The following ITGA9 variants were observed in gnomAD, a reference collection of about 807,000 sequenced individuals.
ITGA9 encodes the protein integrin subunit alpha 9.
A neutral mutation model predicts 127.8 loss-of-function variants in ITGA9; 56 were observed. That is an observed-to-expected ratio of 0.44 (90% CI 0.35 to 0.55). The LOEUF (loss-of-function observed/expected upper bound fraction) is 0.55, where lower values mean the gene tolerates loss of function less well. ITGA9 is among the 20% of genes least tolerant of loss of function. ITGA9 has a pLI of 0.00. For missense variants in ITGA9, 1,196 were observed against 1,347.1 expected, an observed-to-expected ratio of 0.89 and a Z score of 1.76; for synonymous variants, 508 against 514.5, an observed-to-expected ratio of 0.99 and a Z score of 0.17.
At chr3:37,742,416 T>C (rs1022613580) in intron 21 of ITGA9, among the ~76,000 whole-genome samples, 2 of 152,340 alleles carry the variant, frequency 1.3e-5, no homozygotes, top group African/African-American at 2.4e-5. Context: ...GGTCATTCAG[T>C]GCCGCTGGCA....
Position 37,481,558 on chromosome 3 carries a change from C to G in ITGA9, c.495C>G (p.Ile165Met). 1 of 1,614,178 alleles carries G rather than the reference C, an allele frequency of 6.2e-7. No individual in the cohort carries two copies. Among genetic ancestry groups the G allele is most frequent in the Non-Finnish European group, 8.5e-7 (1 of 1,180,006 alleles). ...HILPHGFCYI[I>M]PSNLQAKGRT... Reference sequence around the variant, plus strand: ...TACCCCATGGCTTCTGCTACATCATCCCCTCCAACCTCCAGGCCAAAGGCA... The same window carrying G: ...TACCCCATGGCTTCTGCTACATCATGCCCTCCAACCTCCAGGCCAAAGGCA... Residue 165 changes from isoleucine (I) to methionine (M), a missense_variant, in exon 4 of 28, where the codon ATC (isoleucine) becomes ATG (methionine). Coordinates refer to ENST00000264741, the MANE Select transcript of ITGA9 (RefSeq NM_002207.3).
chr3:37,516,783 T>G (rs1017803023), intron 9 of ITGA9, among the ~76,000 whole-genome samples: 9 of 152,216 alleles, frequency 5.9e-5, no homozygotes, highest in African/African-American at 2.2e-4. Context: ...GACATCAGAT[T>G]GCATTGTATC....
At chr3:37,751,890 G>T (rs1012867440) in intron 23 of ITGA9, among the ~76,000 whole-genome samples, 3 of 152,144 alleles carry the variant, frequency 2.0e-5, no homozygotes, top group African/African-American at 4.8e-5. Flanking sequence ...TCTCCATCTG[G>T]ATAGCCCAGC....
intron 15 of ITGA9, among the ~76,000 whole-genome samples, chr3:37,625,824 T>C (rs1369566517): frequency 6.6e-6 from 1 of 152,186 alleles, no homozygotes; most frequent in African/African-American, 2.4e-5. Context: ...GCTGTCCTTT[T>C]GGGGGTGTTG....
chr3:37,556,570 G>A (rs557860064), intron 15 of ITGA9, among the ~76,000 whole-genome samples: 120 of 152,294 alleles, frequency 7.9e-4, no homozygotes, highest in Non-Finnish European at 1.2e-3. Context: ...GACTCCTCAC[G>A]TTAGCGTGCA....
At chr3:37,724,067 A>G (rs1478122505) in intron 18 of ITGA9, among the ~76,000 whole-genome samples, 3 of 152,178 alleles carry the variant, frequency 2.0e-5, no homozygotes, top group African/African-American at 7.2e-5. Context: ...TATCATTCAG[A>G]AGCTGGCTTC....
intron 17 of ITGA9, among the ~76,000 whole-genome samples, chr3:37,665,671 T>C (rs1260533279): frequency 6.6e-6 from 1 of 151,886 alleles, no homozygotes; most frequent in Non-Finnish European, 1.5e-5. Context: ...GCCAGGCGGG[T>C]CTCGAAATCC....
chr3:37,764,361 C>T (rs1034638915), intron 23 of ITGA9, among the ~76,000 whole-genome samples: 2 of 149,440 alleles, frequency 1.3e-5, no homozygotes, highest in Non-Finnish European at 1.5e-5. Context: ...GAAGTAAGGA[C>T]CTGGTTTACT....
chr3:37,561,205 A>G (rs1699484284), intron 15 of ITGA9, among the ~76,000 whole-genome samples: 1 of 152,254 alleles, frequency 6.6e-6, no homozygotes, highest in Non-Finnish European at 1.5e-5. Flanking sequence ...CAATATAGCC[A>G]AAATGTTATT....
At chr3:37,465,577 T>G (rs1034729630) in intron 1 of ITGA9, among the ~76,000 whole-genome samples, 1 of 152,190 alleles carries the variant, frequency 6.6e-6, no homozygotes, top group Non-Finnish European at 1.5e-5. Flanking sequence ...TAACCAGTGT[T>G]GGTGCATGAA....
At chr3:37,699,352 T>C (rs1700921419) in intron 18 of ITGA9, among the ~76,000 whole-genome samples, 2 of 152,214 alleles carry the variant, frequency 1.3e-5, no homozygotes, top group Non-Finnish European at 2.9e-5. Flanking sequence ...AATGAGTTCC[T>C]GATCCTCCTG....
chr3:37,497,599 G>A (rs267517), intron 5 of ITGA9, among the ~76,000 whole-genome samples: 94,266 of 152,060 alleles, frequency 0.62, 29,661 homozygotes, highest in East Asian at 0.84. Flanking sequence ...AACTAACTAC[G>A]TTATTTTTCT....
intron 15 of ITGA9, among the ~76,000 whole-genome samples, chr3:37,599,464 A>G (rs1340820004): frequency 1.3e-5 from 2 of 152,244 alleles, no homozygotes; most frequent in African/African-American, 2.4e-5. Flanking sequence ...GGAAGTAGGC[A>G]AGGCCTTTTG....
intron 9 of ITGA9, 43 bp from the exon 10 acceptor site, chr3:37,517,460 GT>G: frequency 3.6e-6 from 5 of 1,372,866 alleles, no homozygotes; most frequent in Non-Finnish European, 5.1e-6. Flanking sequence ...TGTTCTGTTT[GT>G]TTTTGTTTTG....
chr3:37,689,217 A>C (rs1305635516), intron 18 of ITGA9, among the ~76,000 whole-genome samples: 1 of 152,250 alleles, frequency 6.6e-6, no homozygotes, highest in Non-Finnish European at 1.5e-5. Context: ...TATCCCCTGC[A>C]ATGGATTTTT....
intron 15 of ITGA9, among the ~76,000 whole-genome samples, chr3:37,557,321 C>T (rs1699440509): frequency 6.6e-6 from 1 of 152,162 alleles, no homozygotes; most frequent in South Asian, 2.1e-4. Context: ...CACCAGCCTC[C>T]TTGGTGACTT....
intron 1 of ITGA9, among the ~76,000 whole-genome samples, chr3:37,455,701 T>A (rs1698248598): frequency 6.6e-6 from 1 of 152,226 alleles, no homozygotes; most frequent in Non-Finnish European, 1.5e-5. Context: ...ATTCAATATT[T>A]TGCAGTCTAA....
At chr3:37,748,162 C>A in intron 22 of ITGA9, 1 of 468,790 alleles carries the variant, frequency 2.1e-6, no homozygotes, top group Non-Finnish European at 4.1e-6. Context: ...GTTCTCTAGG[C>A]TTTTTAGAAA....
chr3:37,788,786 T>C (rs1697070760), intron 26 of ITGA9, among the ~76,000 whole-genome samples: 1 of 152,162 alleles, frequency 6.6e-6, no homozygotes, highest in Admixed American at 6.5e-5. Flanking sequence ...CATCACCACA[T>C]TTCATTTACC....
Sources: gnomAD v4.1 joint callset for allele counts (sites outside exome capture counted in the v4.1 genomes callset) on GRCh38, gnomAD v4.1.1 for gene constraint, MANE v1.5 for transcripts, NCBI Gene and HGNC (gene_info 2026-07-23, HGNC 2026-07-21) for gene names.